Variants in RP1 observed in about 807,000 individuals in gnomAD.
RP1 encodes the protein oxygen-regulated protein 1.
RP1 carries 16 observed loss-of-function variants against 14.8 expected under a neutral mutation model. That is an observed-to-expected ratio of 1.08 (90% CI 0.73 to 1.65). The LOEUF is 1.65. Among genes scored for constraint, RP1 ranks in the 40% most tolerant of loss-of-function variants. RP1 has a pLI of 0.00. For synonymous variants in RP1, 876 were observed against 883.6 expected (o/e 0.99, Z 0.15); for missense variants, 2,631 against 2,535.0 (o/e 1.04, Z -0.81).
At chr8:54,768,488 A>G (rs1157704269) in intron 22 of RP1, among the ~76,000 whole-genome samples, 1 of 152,194 alleles carries the variant, frequency 6.6e-6, no homozygotes, top group Non-Finnish European at 1.5e-5. Flanking sequence ...CACACAGGGC[A>G]CTTTCTAAGT....
intron 28 of RP1, among the ~76,000 whole-genome samples, chr8:54,868,929 T>C (rs1812518344): frequency 2.0e-5 from 3 of 152,152 alleles, no homozygotes; most frequent in African/African-American, 7.2e-5. Flanking sequence ...TGGGAGCCTC[T>C]AAGATTTCTG....
At chr8:54,696,143 T>C (rs1029829406) in intron 12 of RP1, among the ~76,000 whole-genome samples, 1 of 152,166 alleles carries the variant, frequency 6.6e-6, no homozygotes, top group Non-Finnish European at 1.5e-5. Flanking sequence ...ATTATAAAGG[T>C]AGAATTAATT....
intron 1 of RP1, among the ~76,000 whole-genome samples, chr8:54,606,499 C>G (rs149668054): frequency 0.013 from 1,974 of 152,146 alleles, 45 homozygotes; most frequent in African/African-American, 0.045. Context: ...TTCAACTTTG[C>G]TGAATCTGAC....
At chr8:54,728,767 TG>T (rs1389814657) in intron 17 of RP1, among the ~76,000 whole-genome samples, 1 of 152,272 alleles carries the variant, frequency 6.6e-6, no homozygotes, top group East Asian at 1.9e-4. Flanking sequence ...GTTAGGGTGG[TG>T]GGGTTGAGGA....
chr8:54,733,174 T>G (rs1808832806), intron 17 of RP1, among the ~76,000 whole-genome samples: 1 of 152,212 alleles, frequency 6.6e-6, no homozygotes, highest in African/African-American at 2.4e-5. Flanking sequence ...CAGTTAAACA[T>G]CCCATAGTTT....
At chr8:54,721,308 T>C (rs573370583) in intron 16 of RP1, among the ~76,000 whole-genome samples, 5 of 152,350 alleles carry the variant, frequency 3.3e-5, no homozygotes, top group Non-Finnish European at 5.9e-5. Flanking sequence ...AGAGTGGCAT[T>C]CTGCCTTGAC....
At chr8:54,793,681 C>T (rs962176236) in intron 24 of RP1, among the ~76,000 whole-genome samples, 1 of 151,744 alleles carries the variant, frequency 6.6e-6, no homozygotes, top group Non-Finnish European at 1.5e-5. Flanking sequence ...TGTATCCAAC[C>T]TAATAAAGAC....
At chr8:54,590,764 T>A (rs931438679) in intron 1 of RP1, among the ~76,000 whole-genome samples, 1 of 152,224 alleles carries the variant, frequency 6.6e-6, no homozygotes, top group Non-Finnish European at 1.5e-5. Context: ...CAGCTCCAGA[T>A]GTGATCACCA....
intron 22 of RP1, among the ~76,000 whole-genome samples, chr8:54,768,359 T>C (rs972184718): frequency 2.0e-5 from 3 of 152,244 alleles, no homozygotes; most frequent in Non-Finnish European, 2.9e-5. Flanking sequence ...CACCACACTT[T>C]GTTACATTTA....
chr8:54,560,908 C>T (rs1220328834), intron 1 of RP1: 2 of 152,222 alleles, frequency 1.3e-5, no homozygotes, highest in Non-Finnish European at 2.9e-5. Flanking sequence ...GGACTGGAGC[C>T]TCCATGTTGG....
intron 19 of RP1, among the ~76,000 whole-genome samples, chr8:54,749,588 G>C (rs956457204): frequency 6.6e-6 from 1 of 152,112 alleles, no homozygotes; most frequent in Admixed American, 6.5e-5. Flanking sequence ...AGGGGCTCAG[G>C]GAGGACATGA....
At chr8:54,769,751 T>G (rs1809856565) in exon 23 of RP1, 1 of 1,531,248 alleles carries the variant, frequency 6.5e-7, no homozygotes, top group East Asian at 2.5e-5. Flanking sequence ...ATGGCTTCCT[T>G]TCATGTCTCA....
chr8:54,653,116 A>G (rs1043985361), intron 5 of RP1, among the ~76,000 whole-genome samples: 3 of 152,204 alleles, frequency 2.0e-5, no homozygotes, highest in Non-Finnish European at 4.4e-5. Flanking sequence ...GGATAAACTC[A>G]TATAGCTTCT....
intron 1 of RP1, among the ~76,000 whole-genome samples, chr8:54,562,548 C>T (rs1804309588): frequency 1.3e-5 from 2 of 151,982 alleles, no homozygotes; most frequent in South Asian, 4.1e-4. Context: ...GTGGCAGGCA[C>T]CTGTAATCCC....
At chr8:54,740,064 A>T (rs1314745498) in intron 19 of RP1, among the ~76,000 whole-genome samples, 8 of 149,030 alleles carry the variant, frequency 5.4e-5, no homozygotes, top group Non-Finnish European at 8.9e-5. Flanking sequence ...AATATATATA[A>T]AAATATATTT....
intron 6 of RP1, among the ~76,000 whole-genome samples, chr8:54,658,064 T>C (rs1403675872): frequency 4.6e-5 from 7 of 152,036 alleles, no homozygotes; most frequent in Non-Finnish European, 8.8e-5. Flanking sequence ...AAATACTAAT[T>C]CCCCCCAATC....
intron 22 of RP1, among the ~76,000 whole-genome samples, chr8:54,760,880 T>C (rs1333945873): frequency 6.6e-6 from 1 of 152,124 alleles, no homozygotes; most frequent in African/African-American, 2.4e-5. Flanking sequence ...AGATTTTTTC[T>C]CTTCTCTCAA....
In RP1 at chr8:54,827,632, A is replaced by T. The variant is rs952552063; in HGVS notation, c.3616-9818A>T. 3.3e-5 allele frequency among the ~76,000 whole-genome samples: 5 copies of T among 152,226 alleles called. No homozygotes were observed. In the East Asian group the frequency reaches 7.7e-4, roughly 24 times the overall value. ...GGCGTGAGCCACTGTGCCAGGCTAC[A>T]TTTTTTATTTTTAAAAGTAATTAAG... On this transcript the variant is annotated intron_variant, in intron 24 of 28. Transcript: ENST00000637698.
chr8:54,671,305 T>C (rs192515822), intron 7 of RP1, among the ~76,000 whole-genome samples: 164 of 152,252 alleles, frequency 1.1e-3, no homozygotes, highest in Non-Finnish European at 2.1e-3. Flanking sequence ...TGTGTCTACG[T>C]TGGATTTCTT....
Sources: allele counts gnomAD v4.1 joint callset (sites outside exome capture counted in the v4.1 genomes callset), GRCh38; gene constraint gnomAD v4.1.1; transcripts MANE v1.5; gene names NCBI Gene and HGNC (gene_info 2026-07-23, HGNC 2026-07-21).